Variants in C21orf91 observed in about 807,000 individuals in gnomAD.
The protein encoded by C21orf91 is protein EURL homolog.
Under a neutral mutation model 32.9 loss-of-function variants are expected in C21orf91, and 26 were observed. The ratio of observed to expected loss-of-function variants is 0.79; its 90% confidence interval spans 0.58 to 1.10. The LOEUF (loss-of-function observed/expected upper bound fraction) is 1.10, where lower values mean the gene tolerates loss of function less well. C21orf91 is among the 50% of genes least tolerant of loss of function. The pLI is 0.00. For synonymous variants in C21orf91, 126 were observed against 120.4 expected (o/e 1.05, Z -0.31); for missense variants, 310 against 341.3 (o/e 0.91, Z 0.72).
intron 2 of C21orf91, among the ~76,000 whole-genome samples, chr21:17,812,634 C>A (rs981934930): frequency 2.6e-5 from 4 of 152,004 alleles, no homozygotes; most frequent in Admixed American, 2.6e-4. Context: ...ACGGTGAAAC[C>A]CCGTCTCTAC....
Sources: allele counts gnomAD v4.1 joint callset (sites outside exome capture counted in the v4.1 genomes callset), GRCh38; gene constraint gnomAD v4.1.1; transcripts MANE v1.5; gene names NCBI Gene and HGNC (gene_info 2026-07-23, HGNC 2026-07-21).